The following PLCB1 variants were observed in gnomAD, a reference collection of about 807,000 sequenced individuals.
PLCB1 encodes phospholipase C beta 1, also known as 1-phosphatidylinositol 4,5-bisphosphate phosphodiesterase beta-1.
A neutral mutation model predicts 161.8 loss-of-function variants in PLCB1; 46 were observed. The ratio of observed to expected loss-of-function variants is 0.28; its 90% CI spans 0.22 to 0.36. The LOEUF is 0.36. Among genes scored for constraint, PLCB1 ranks in the 10% least tolerant of loss-of-function variants. PLCB1 has a pLI of 1.00. For synonymous variants in PLCB1, 517 were observed against 503.7 expected (o/e 1.03, Z -0.35); for missense variants, 1,016 against 1,472.5 (o/e 0.69, Z 5.07).
intron 3 of PLCB1, among the ~76,000 whole-genome samples, chr20:8,514,332 C>T (rs908324529): frequency 6.6e-6 from 1 of 150,596 alleles, no homozygotes; most frequent in African/African-American, 2.4e-5. Context: ...CCCAGCTACT[C>T]GGGAGGCTGA....
In PLCB1 at chr20:8,802,254, G is replaced by C. The variant is rs6056128; in HGVS notation, c.3423+11993G>C. 0.97 allele frequency: 687,176 copies of C among 706,274 alleles called. 334,456 individuals are homozygous for C. Among genetic ancestry groups the C allele is most frequent in the East Asian group, 1 (38,651 of 38,674 alleles). 43.8% of individuals were successfully genotyped at this position (706,274 alleles called of 1,614,324 possible). A position where few individuals can be genotyped will look rare whatever the true frequency, so the allele number is the denominator to read the frequency against. On this transcript the variant is annotated intron_variant, in intron 31 of 31. Coordinates refer to ENST00000338037, the MANE Select transcript of PLCB1 (RefSeq NM_015192.4). ...GTTTTCAGGCATCACGGACTTGCTC[G>C]TTTGTCCTTCATCCTCCCTTTCTCT...
chr20:8,188,368 A>C (rs751439006), intron 2 of PLCB1, among the ~76,000 whole-genome samples: 4 of 152,158 alleles, frequency 2.6e-5, no homozygotes, highest in Non-Finnish European at 4.4e-5. Flanking sequence ...GGAAGGATGA[A>C]GTACTGGGAA....
At chr20:8,867,466 T>C (rs1420078681) in intron 31 of PLCB1, among the ~76,000 whole-genome samples, 1 of 152,268 alleles carries the variant, frequency 6.6e-6, no homozygotes, top group Non-Finnish European at 1.5e-5. Context: ...GCATTCCACC[T>C]GATTGAAAAG....
intron 9 of PLCB1, among the ~76,000 whole-genome samples, chr20:8,666,489 T>C (rs1215966408): frequency 6.6e-6 from 1 of 152,230 alleles, no homozygotes; most frequent in African/African-American, 2.4e-5. Context: ...TCTTCGTTGT[T>C]TCCAATCACG....
chr20:8,590,077 G>A lies in PLCB1; in HGVS notation c.247-38217G>A, dbSNP rs555491165. ...TGGGGACATAAACATTCAGTTCATT[G>A]TAGTCCCACTTAAACTGATGGTTTC... On this transcript the variant is annotated intron_variant, in intron 3 of 31. Coordinates refer to ENST00000338037, the MANE Select transcript of PLCB1 (RefSeq NM_015192.4). Among the ~76,000 whole-genome samples the A allele has an allele frequency of 3.3e-5, 5 of 152,224 alleles. No individual in the cohort carries two copies. In the South Asian group the frequency reaches 1.0e-3, roughly 32 times the overall value.
At chr20:8,445,405 T>A (rs1980776297) in intron 3 of PLCB1, among the ~76,000 whole-genome samples, 1 of 152,140 alleles carries the variant, frequency 6.6e-6, no homozygotes, top group Admixed American at 6.5e-5. Context: ...CATTGGTCTA[T>A]ATCTCTGTTT....
chr20:8,847,668 C>A (rs1431391490), intron 31 of PLCB1, among the ~76,000 whole-genome samples: 1 of 152,198 alleles, frequency 6.6e-6, no homozygotes, highest in African/African-American at 2.4e-5. Flanking sequence ...ACTTGGACCA[C>A]CCATACTTCT....
At chr20:8,383,791 G>T (rs1353094533) in intron 3 of PLCB1, among the ~76,000 whole-genome samples, 1 of 152,128 alleles carries the variant, frequency 6.6e-6, no homozygotes, top group Non-Finnish European at 1.5e-5. Context: ...GCTTAGTTTG[G>T]CTGGATATGA....
chr20:8,300,648 G>A (rs997775702), intron 2 of PLCB1, among the ~76,000 whole-genome samples: 4 of 152,020 alleles, frequency 2.6e-5, no homozygotes, highest in Non-Finnish European at 5.9e-5. Context: ...CCATTAACTC[G>A]TCATTTAGCA....
chr20:8,833,579 C>T (rs1432010665), intron 31 of PLCB1, among the ~76,000 whole-genome samples: 1 of 152,132 alleles, frequency 6.6e-6, no homozygotes, highest in Non-Finnish European at 1.5e-5. Flanking sequence ...TCCACAGAGG[C>T]AGAGATTGGA....
chr20:8,450,891 C>T (rs1374982993), intron 3 of PLCB1, among the ~76,000 whole-genome samples: 1 of 152,132 alleles, frequency 6.6e-6, no homozygotes, highest in East Asian at 1.9e-4. Flanking sequence ...TACAATTCTC[C>T]ACACTGGATT....
At chr20:8,227,954 A>G (rs1398207609) in intron 2 of PLCB1, among the ~76,000 whole-genome samples, 2 of 152,200 alleles carry the variant, frequency 1.3e-5, no homozygotes, top group African/African-American at 4.8e-5. Context: ...ATATATTCTA[A>G]TGATTTGAAC....
intron 3 of PLCB1, among the ~76,000 whole-genome samples, chr20:8,485,888 ACG>A (rs1982702682): frequency 1.3e-5 from 2 of 152,294 alleles, no homozygotes; most frequent in South Asian, 4.1e-4. Flanking sequence ...GTCTGTTCTC[ACG>A]CTGCTATAAA....
intron 3 of PLCB1, among the ~76,000 whole-genome samples, chr20:8,605,013 A>G (rs893233554): frequency 6.6e-6 from 1 of 152,154 alleles, no homozygotes; most frequent in African/African-American, 2.4e-5. Context: ...ACATAAATCA[A>G]TTAAGGCTTG....
chr20:8,714,387 T>G (rs931656211), intron 12 of PLCB1, among the ~76,000 whole-genome samples: 3 of 152,154 alleles, frequency 2.0e-5, no homozygotes, highest in South Asian at 2.1e-4. Flanking sequence ...GTACTTCTTA[T>G]CAGCAGCAGC....
chr20:8,415,133 T>C (rs1395009937), intron 3 of PLCB1, among the ~76,000 whole-genome samples: 2 of 152,170 alleles, frequency 1.3e-5, no homozygotes, highest in Non-Finnish European at 2.9e-5. Context: ...GTCATAATAG[T>C]GCTTGAACTG....
chr20:8,813,194 G>A (rs1323967175), intron 31 of PLCB1, among the ~76,000 whole-genome samples: 1 of 152,188 alleles, frequency 6.6e-6, no homozygotes, highest in Non-Finnish European at 1.5e-5. Context: ...AGGCACACTG[G>A]CTTAGGTGGA....
intron 26 of PLCB1, among the ~76,000 whole-genome samples, chr20:8,773,897 G>A (rs1018414911): frequency 2.6e-5 from 4 of 152,092 alleles, no homozygotes; most frequent in African/African-American, 4.8e-5. Flanking sequence ...TCACTCAAAC[G>A]TGGGAGGTGG....
intron 2 of PLCB1, among the ~76,000 whole-genome samples, chr20:8,323,358 G>A (rs1430828471): frequency 6.6e-6 from 1 of 152,098 alleles, no homozygotes; most frequent in Non-Finnish European, 1.5e-5. Flanking sequence ...GGTTCTGTGG[G>A]TCAACTAGTC....
Sources: gnomAD v4.1 joint callset for allele counts (sites outside exome capture counted in the v4.1 genomes callset) on GRCh38, gnomAD v4.1.1 for gene constraint, MANE v1.5 for transcripts, NCBI Gene and HGNC (gene_info 2026-07-23, HGNC 2026-07-21) for gene names.